Variants in SEC16A observed in about 807,000 individuals in gnomAD.
SEC16A encodes the protein SEC16 homolog A, endoplasmic reticulum export factor, also known as protein transport protein Sec16A.
Under a neutral mutation model 221.9 loss-of-function variants are expected in SEC16A, and 110 were observed. The observed-to-expected ratio is 0.50, with a 90% CI of 0.42 to 0.58. The LOEUF (loss-of-function observed/expected upper bound fraction) is 0.58, where lower values mean the gene tolerates loss of function less well. Among genes scored for constraint, SEC16A ranks in the 20% least tolerant of loss-of-function variants. The pLI, the probability that SEC16A is intolerant of heterozygous loss-of-function variation, is 0.00. For missense variants in SEC16A, 3,165 were observed against 3,097.8 expected, an observed-to-expected ratio of 1.02 and a Z score of -0.52; for synonymous variants, 1,393 against 1,257.7, an observed-to-expected ratio of 1.11 and a Z score of -2.28.
At chr9:136,445,229 ACTC>A (rs1554798416) in intron 29 of SEC16A, 118 bp from the exon 30 acceptor site, 11 of 861,546 alleles carry the variant, frequency 1.3e-5, no homozygotes, top group Admixed American at 4.7e-5. Context: ...AATCAACATA[ACTC>A]AAAAGGGAAA....
intron 1 of SEC16A, among the ~76,000 whole-genome samples, chr9:136,481,001 C>T (rs1299752160): frequency 6.6e-6 from 1 of 152,148 alleles, no homozygotes; most frequent in African/African-American, 2.4e-5. Flanking sequence ...AGCTTTTTAG[C>T]AACATGCCAC....
intron 17 of SEC16A, among the ~76,000 whole-genome samples, chr9:136,458,485 G>C (rs1034633313): frequency 1.3e-5 from 2 of 151,946 alleles, no homozygotes; most frequent in South Asian, 4.2e-4. Context: ...AAAATTAGCC[G>C]GGCGTGGTCG....
At chr9:136,484,377 G>A (rs1842751027), upstream of SEC16A, 1 of 1,181,862 alleles carries the variant, frequency 8.5e-7, no homozygotes, top group Admixed American at 3.8e-5. Flanking sequence ...GGGAACAGGT[G>A]GGCACTATCC....
chr9:136,477,941 T>G (rs916973676), intron 2 of SEC16A, among the ~76,000 whole-genome samples: 3 of 152,028 alleles, frequency 2.0e-5, no homozygotes, highest in Non-Finnish European at 4.4e-5. Context: ...GGCCACTCCC[T>G]CCCCTGGGAT....
In SEC16A at chr9:136,441,653, G is replaced by C. The variant is rs1836193154; in HGVS notation, c.*102C>G. 1.0e-6 allele frequency: 1 copy of C among 968,664 alleles called. No individual in the cohort carries two copies. Among genetic ancestry groups the C allele is most frequent in the African/African-American group, 1.6e-5 (1 of 62,508 alleles). The allele number at this position is 968,664 out of a possible 1,614,324, so 60.0% of individuals were successfully genotyped here. On this transcript the variant is annotated 3_prime_UTR_variant, in exon 32 of 32. Coordinates refer to ENST00000684901, the MANE Select transcript of SEC16A (RefSeq NM_014866.2). ...GTGCGACCAGCTCTGAGTCACTGCTGTGTCTCCCTGGGGGCGGGACGGAGA... is the reference window on the plus strand; with the variant it reads ...GTGCGACCAGCTCTGAGTCACTGCTCTGTCTCCCTGGGGGCGGGACGGAGA...
In SEC16A at chr9:136,461,265, C is replaced by T; in HGVS notation, c.4903G>A (p.Glu1635Lys). The T allele has an allele frequency of 1.2e-6, 2 of 1,603,226 alleles. No individual in the cohort carries two copies. Among genetic ancestry groups the T allele is most frequent in the Non-Finnish European group, 1.7e-6 (2 of 1,174,882 alleles). Residue 1635 changes from glutamate to lysine, a missense_variant, in exon 13 of 32, where the codon GAG becomes AAG. By Grantham distance (56) the Glu-to-Lys change is moderately conservative (BLOSUM62 1). This residue lies in a region of SEC16A where 1,088 missense variants were observed against 1,089.6 expected (regional missense o/e 1.00). Coordinates refer to ENST00000684901, the MANE Select transcript of SEC16A (RefSeq NM_014866.2). ...CACAGGCCATTCTTCATTGCAGACT[C>T]CAAAGCATCCTGCAAAAGGCATTTC... ...LLYGRKKDAL[E>K]SAMKNGLWGH...
chr9:136,448,123 T>G lies in SEC16A; in HGVS notation c.6351A>C (p.Lys2117Asn). 2 of 1,613,704 alleles carry G rather than the reference T, an allele frequency of 1.2e-6. No individual in the cohort carries two copies. The highest frequency in any genetic ancestry group is 1.7e-6 in the Non-Finnish European group (2 of 1,179,794). The change falls in exon 24 of 32, where the codon AAA (lysine) becomes AAC (asparagine). Residue 2117 changes from lysine to asparagine, a missense_variant. By Grantham distance (94) the Lys-to-Asn change is moderately conservative. Around this residue, in one of 3 missense-constraint regions of SEC16A, gnomAD observed 1,088 missense variants for 1,089.6 expected, o/e 1.00. Coordinates refer to ENST00000684901, the MANE Select transcript of SEC16A (RefSeq NM_014866.2). ...CATCTGGCAAATAAGCTTCTGTCTTTTTCTTTCCAGGTAGCCAACGAAAGA... is the reference window on the plus strand; with the variant it reads ...CATCTGGCAAATAAGCTTCTGTCTTGTTCTTTCCAGGTAGCCAACGAAAGA... Reference protein sequence around the residue: ...SWFFRWLPGKKKTEAYLPDDK... With the variant: ...SWFFRWLPGKNKTEAYLPDDK...
chr9:136,451,523 T>C lies in SEC16A; in HGVS notation c.6160-115A>G, dbSNP rs527883340. The stretch of plus-strand genomic sequence containing the variant: ...CTAAATACATCACTGAGAGGCCGGA[T>C]GACTCTGGTGACCAGAGGGAGGCAG... On this transcript the variant is annotated intron_variant, in intron 22 of 31. Coordinates refer to ENST00000684901, the MANE Select transcript of SEC16A (RefSeq NM_014866.2). 3.3e-6 allele frequency: 4 copies of C among 1,213,572 alleles called. No individual in the cohort carries two copies. The South Asian group carries it at 6.4e-5, about 19-fold the overall frequency. The allele number at this position is 1,213,572 out of a possible 1,614,324, so 75.2% of individuals were successfully genotyped here.
intron 23 of SEC16A, 60 bp downstream of exon 23, chr9:136,451,196 A>C: frequency 1.3e-6 from 2 of 1,543,796 alleles, no homozygotes; most frequent in Non-Finnish European, 1.8e-6. Context: ...CGCTCTGGGA[A>C]GCGTGCCTCC....
At chr9:136,468,312 C>T in intron 5 of SEC16A, 103 bp downstream of exon 5, 1 of 640,028 alleles carries the variant, frequency 1.6e-6, no homozygotes, top group Non-Finnish European at 2.8e-6. Context: ...GGGACATTTC[C>T]TGGAAGTCAC....
Position 136,461,249 on chromosome 9 carries a change from T to C in SEC16A, c.4919A>G (p.Asn1640Ser). 1 of 1,608,282 alleles carries C rather than the reference T, an allele frequency of 6.2e-7. No individual in the cohort carries two copies. The highest frequency in any genetic ancestry group is 8.5e-7 in the Non-Finnish European group (1 of 1,177,460). The change falls in exon 13 of 32, where the codon AAT becomes AGT. Residue 1640 changes from asparagine to serine, a missense_variant. Coordinates refer to ENST00000684901, the MANE Select transcript of SEC16A (RefSeq NM_014866.2). The part of the protein sequence containing the change: ...KKDALESAMK[N>S]GLWGHALLLA... ...TAGCAGAGCGTGACCCCACAGGCCA[T>C]TCTTCATTGCAGACTCCAAAGCATC... is the stretch of plus-strand genomic sequence containing the variant.
rs1190212184 is a variant in SEC16A, at chr9:136,443,723, A to G, written c.7005+100T>C. On this transcript the variant is annotated intron_variant, in intron 31 of 31. Transcript: ENST00000684901. The stretch of plus-strand genomic sequence containing the variant: ...TAAATATATTTTTTAAAAAGAAAGA[A>G]AAAGAGGATCTAGGGCAGAAAGCTG... The G allele has an allele frequency of 5.1e-6, 4 of 778,086 alleles. 1 individual carries two copies. Among genetic ancestry groups the G allele is most frequent in the Non-Finnish European group, 6.5e-6 (3 of 463,374 alleles). 48.2% of individuals were successfully genotyped at this position (778,086 alleles called of 1,614,324 possible).
chr9:136,471,304 C>CA (rs11346549), intron 4 of SEC16A, among the ~76,000 whole-genome samples: 65 of 146,980 alleles, frequency 4.4e-4, no homozygotes, highest in South Asian at 4.3e-3. Flanking sequence ...CTCGTCTCTA[C>CA]AAAAAAAAAA....
chr9:136,454,293 A>T lies in SEC16A; in HGVS notation c.5892T>A (p.Ser1964Arg). The change falls in exon 21 of 32, where the codon AGT becomes AGA. Residue 1964 changes from serine to arginine, a missense_variant. Physicochemically the swap from Ser to Arg is moderately radical, Grantham distance 110. Coordinates refer to ENST00000684901, the MANE Select transcript of SEC16A (RefSeq NM_014866.2). ...CTGGGAACATCGGCACTCTGGCAGG[A>T]CTGGCCAATGGGCCGTCAGGGAGCG... ...PQTLPDGPLASPARVPMFPVP... is the reference protein window; with the variant it reads ...PQTLPDGPLARPARVPMFPVP... 1 of 1,583,162 alleles carries T rather than the reference A, an allele frequency of 6.3e-7. No homozygotes were observed. Among genetic ancestry groups the T allele is most frequent in the Non-Finnish European group, 8.6e-7 (1 of 1,165,266 alleles).
chr9:136,459,896 C>A lies in SEC16A; in HGVS notation c.5074-22G>T, dbSNP rs765216099. 18 of 1,600,150 alleles carry A rather than the reference C, an allele frequency of 1.1e-5. No individual in the cohort carries two copies. Among genetic ancestry groups the A allele is most frequent in the Non-Finnish European group, 1.5e-5 (17 of 1,170,800 alleles). ...AGCACTAACATGAGGAAAAACAAAA[C>A]GAAGCCTCATCCCCGGAAGCCAGCG... On this transcript the variant is annotated intron_variant, in intron 14 of 31. Transcript: ENST00000684901. The surrounding 1 kb of genome is among the most constrained non-coding windows in gnomAD (Gnocchi z 6.1).
At chr9:136,473,972 G>C (rs913447261) in intron 3 of SEC16A, 77 bp downstream of exon 3, 2 of 1,454,940 alleles carry the variant, frequency 1.4e-6, no homozygotes, top group Non-Finnish European at 1.9e-6. Context: ...ACACTACTAA[G>C]GAATACACTG....
chr9:136,464,638 C>T (rs1228369634), intron 8 of SEC16A, 76 bp from the exon 9 acceptor site: 1 of 1,310,648 alleles, frequency 7.6e-7, no homozygotes, highest in Non-Finnish European at 1.1e-6. Context: ...TCAATGTGCT[C>T]ACACAGCTTA....
At chr9:136,446,361 A>G (rs1836981794) in intron 28 of SEC16A, among the ~76,000 whole-genome samples, 1 of 151,514 alleles carries the variant, frequency 6.6e-6, no homozygotes, top group Non-Finnish European at 1.5e-5. Flanking sequence ...CGCCCAGCTC[A>G]GCCTCCCAAA....
chr9:136,448,188 T>C, intron 23 of SEC16A, 27 bp from the exon 24 acceptor site: 2 of 1,577,730 alleles, frequency 1.3e-6, no homozygotes, highest in South Asian at 2.2e-5. Flanking sequence ...CGAGAACAAC[T>C]TTGAAAACAT....
Sources: gnomAD v4.1 joint callset for allele counts (sites outside exome capture counted in the v4.1 genomes callset) on GRCh38, gnomAD v4.1.1 for gene constraint, gnomAD v4.1.1 regional missense constraint, Gnocchi (gnomAD v3.1) non-coding constraint, MANE v1.5 for transcripts, NCBI Gene and HGNC (gene_info 2026-07-23, HGNC 2026-07-21) for gene names.